SCFD2: variants seen among roughly 807,000 people sequenced by gnomAD.
SCFD2 encodes sec1 family domain-containing protein 2.
A neutral mutation model predicts 58.9 loss-of-function variants in SCFD2; 54 were observed. The ratio of observed to expected loss-of-function variants is 0.92; its 90% confidence interval spans 0.74 to 1.15. The LOEUF (loss-of-function observed/expected upper bound fraction) is 1.15. SCFD2 is among the 50% of genes most tolerant of loss of function. The pLI is 0.00. For missense variants in SCFD2, 805 were observed against 836.6 expected, an observed-to-expected ratio of 0.96 and a Z score of 0.47; for synonymous variants, 321 against 335.9, an observed-to-expected ratio of 0.96 and a Z score of 0.49.
rs146316822 is a variant in SCFD2 at position 52,997,213 on chromosome 4, T to C, written c.1562-76343A>G. On this transcript the variant is annotated intron_variant, in intron 5 of 8. Coordinates refer to ENST00000401642, the MANE Select transcript of SCFD2 (RefSeq NM_152540.4). ...CTTCAGAACTTTTCCCTTAGGCTCC[T>C]GCTATGTCCAATGAGTTGTTATTGT... 9.0e-4 allele frequency among the ~76,000 whole-genome samples: 137 copies of C among 152,328 alleles called. 1 individual carries two copies. Among genetic ancestry groups the C allele is most frequent in the African/African-American group, 3.1e-3 (127 of 41,562 alleles).
At chr4:53,055,219 T>C (rs1414156775) in intron 5 of SCFD2, among the ~76,000 whole-genome samples, 3 of 152,200 alleles carry the variant, frequency 2.0e-5, no homozygotes, top group Admixed American at 1.3e-4. Context: ...AGGAAACTGA[T>C]GTTCCAAAAG....
At chr4:53,079,279 T>C (rs1179324113) in intron 5 of SCFD2, among the ~76,000 whole-genome samples, 1 of 152,190 alleles carries the variant, frequency 6.6e-6, no homozygotes, top group Non-Finnish European at 1.5e-5. Context: ...AGCAGACAGT[T>C]ATTCTGTTCT....
chr4:53,051,358 C>T (rs1292307058), intron 5 of SCFD2, among the ~76,000 whole-genome samples: 1 of 152,100 alleles, frequency 6.6e-6, no homozygotes, highest in Non-Finnish European at 1.5e-5. Context: ...GTATGCAGTT[C>T]TGGCCTGTAT....
chr4:53,236,453 T>G (rs1236341002), intron 4 of SCFD2, among the ~76,000 whole-genome samples: 2 of 147,342 alleles, frequency 1.4e-5, no homozygotes, highest in South Asian at 2.1e-4. Context: ...TATATAAGGA[T>G]ATATATATAT....
At chr4:53,035,595 C>G (rs995521344) in intron 5 of SCFD2, among the ~76,000 whole-genome samples, 1 of 152,146 alleles carries the variant, frequency 6.6e-6, no homozygotes, top group African/African-American at 2.4e-5. Context: ...GGGCTAATAT[C>G]CAGAATCTAC....
At chr4:52,956,336 G>A (rs1398438457) in intron 5 of SCFD2, 1 of 437,958 alleles carries the variant, frequency 2.3e-6, no homozygotes, top group South Asian at 1.6e-5. Flanking sequence ...AGGTCAAGGG[G>A]ACTATGTTAG....
Position 53,273,906 on chromosome 4 carries a change from G to C in SCFD2, c.1231C>G (p.Leu411Val), listed in dbSNP as rs1731252519. 24 of 1,613,888 alleles carry C rather than the reference G, an allele frequency of 1.5e-5. No homozygotes were observed. The highest frequency in any genetic ancestry group is 1.9e-5 in the Non-Finnish European group (22 of 1,179,918). ...TGTTTCAACGTTTGAGCTGTGGCCA[G>C]TCCAAGCTGGAGGAGGCCACAATGA... The part of the protein sequence containing the change: ...MNHCGLLQLG[L>V]ATAQTLKHPQ... Residue 411 changes from leucine (L) to valine (V), a missense_variant, in exon 4 of 9, where the codon CTG becomes GTG. Physicochemically the swap from Leu to Val is conservative, Grantham distance 32. Transcript: ENST00000401642.
intron 5 of SCFD2, among the ~76,000 whole-genome samples, chr4:53,099,160 A>C (rs1423401293): frequency 6.6e-6 from 1 of 152,198 alleles, no homozygotes; most frequent in Non-Finnish European, 1.5e-5. Context: ...TTCTACCACC[A>C]CCATTCATAT....
intron 4 of SCFD2, among the ~76,000 whole-genome samples, chr4:53,221,395 T>C (rs1729043251): frequency 6.6e-6 from 1 of 152,260 alleles, no homozygotes; most frequent in African/African-American, 2.4e-5. Flanking sequence ...AATTAGTCCA[T>C]GTGTTTTTAA....
intron 7 of SCFD2, among the ~76,000 whole-genome samples, chr4:52,895,669 T>C (rs1718989200): frequency 6.6e-6 from 1 of 152,234 alleles, no homozygotes. Context: ...TGATTTCTAA[T>C]CCTTTGGGTA....
At chr4:53,142,852 G>T (rs1364388739) in intron 5 of SCFD2, among the ~76,000 whole-genome samples, 2 of 152,156 alleles carry the variant, frequency 1.3e-5, no homozygotes, top group African/African-American at 4.8e-5. Flanking sequence ...GAAAAAATGT[G>T]TGTGTGTGTT....
At chr4:52,880,048 CATT>C (rs1023674948) in intron 8 of SCFD2, among the ~76,000 whole-genome samples, 1 of 152,148 alleles carries the variant, frequency 6.6e-6, no homozygotes, top group African/African-American at 2.4e-5. Context: ...AGGTTTGTAT[CATT>C]AAGCCAGTGG....
intron 2 of SCFD2, among the ~76,000 whole-genome samples, chr4:53,347,358 C>T (rs574858006): frequency 3.3e-5 from 5 of 152,238 alleles, no homozygotes; most frequent in Non-Finnish European, 5.9e-5. Flanking sequence ...TCTTGAATGC[C>T]GGGAGTGCCT....
At chr4:53,277,190 A>G (rs1163378161) in intron 3 of SCFD2, among the ~76,000 whole-genome samples, 1 of 152,212 alleles carries the variant, frequency 6.6e-6, no homozygotes, top group Non-Finnish European at 1.5e-5. Context: ...CTCCTTGATG[A>G]TCTCCTAATT....
At chr4:53,049,057 G>A (rs1357248576) in intron 5 of SCFD2, among the ~76,000 whole-genome samples, 2 of 152,128 alleles carry the variant, frequency 1.3e-5, no homozygotes, top group Non-Finnish European at 1.5e-5. Context: ...ATTGGAAAAC[G>A]TGTCCCAAAG....
At chr4:53,303,845 C>T (rs1255349873) in intron 3 of SCFD2, among the ~76,000 whole-genome samples, 1 of 150,430 alleles carries the variant, frequency 6.6e-6, no homozygotes, top group African/African-American at 2.5e-5. Context: ...AGCAAACTAT[C>T]GCAAGGACAA....
At chr4:52,875,614 G>A (rs1222268109) in intron 8 of SCFD2, among the ~76,000 whole-genome samples, 2 of 151,424 alleles carry the variant, frequency 1.3e-5, no homozygotes, top group Non-Finnish European at 2.9e-5. Flanking sequence ...CCAAGTCCAC[G>A]AGCTCATTGA....
chr4:53,145,655 T>A, intron 4 of SCFD2, 73 bp from the exon 5 acceptor site: 3 of 1,365,656 alleles, frequency 2.2e-6, no homozygotes, highest in Non-Finnish European at 3.0e-6. Context: ...ATTAGTCGAA[T>A]GATAGCTTTC....
chr4:53,217,489 T>G (rs1484942856), intron 4 of SCFD2, among the ~76,000 whole-genome samples: 2 of 152,224 alleles, frequency 1.3e-5, no homozygotes, highest in African/African-American at 4.8e-5. Flanking sequence ...GTTTTCCATT[T>G]GCTTGGTAGA....
Sources: allele counts gnomAD v4.1 joint callset (sites outside exome capture counted in the v4.1 genomes callset), GRCh38; gene constraint gnomAD v4.1.1; transcripts MANE v1.5; gene names NCBI Gene and HGNC (gene_info 2026-07-23, HGNC 2026-07-21).